USH2A: variants seen among roughly 807,000 people sequenced by gnomAD.
USH2A encodes the protein usherin.
In USH2A, 443 loss-of-function variants were observed where a neutral mutation model predicts 538.9. The observed-to-expected ratio is 0.82, with a 90% CI of 0.76 to 0.89. The LOEUF (loss-of-function observed/expected upper bound fraction) is 0.89. Ranked by LOEUF, USH2A falls within the 40% of genes least tolerant of loss-of-function variation. The pLI is 0.00. For missense variants in USH2A, 6,633 were observed against 6,324.8 expected (o/e 1.05, Z -1.65); for synonymous variants, 2,413 against 2,273.5 (o/e 1.06, Z -1.75).
At chr1:215,719,097 G>C (rs1426484998) in intron 61 of USH2A, among the ~76,000 whole-genome samples, 1 of 152,174 alleles carries the variant, frequency 6.6e-6, no homozygotes, top group Non-Finnish European at 1.5e-5. Flanking sequence ...GAAGTAGGTA[G>C]ATGCCAATTT....
intron 40 of USH2A, among the ~76,000 whole-genome samples, chr1:215,894,581 T>C (rs1341124562): frequency 2.0e-5 from 3 of 152,128 alleles, no homozygotes; most frequent in Non-Finnish European, 2.9e-5. Flanking sequence ...TCCCTCCCCT[T>C]CATTCCGAAT....
chr1:216,392,297 G>A (rs559584483), intron 3 of USH2A, among the ~76,000 whole-genome samples: 23 of 151,924 alleles, frequency 1.5e-4, no homozygotes, highest in Non-Finnish European at 2.5e-4. Context: ...AGGAAATCCC[G>A]ACCATCCTGA....
At chr1:216,294,880 T>G (rs2102614634) in intron 9 of USH2A, among the ~76,000 whole-genome samples, 1 of 152,040 alleles carries the variant, frequency 6.6e-6, no homozygotes, top group Admixed American at 6.5e-5. Context: ...CATTTTTCTT[T>G]AGTATACTCT....
intron 60 of USH2A, among the ~76,000 whole-genome samples, chr1:215,738,697 C>T (rs887750994): frequency 6.6e-6 from 1 of 152,014 alleles, no homozygotes; most frequent in Admixed American, 6.6e-5. Flanking sequence ...CAAACAATTT[C>T]AAATGAGATT....
intron 47 of USH2A, among the ~76,000 whole-genome samples, chr1:215,819,500 G>A (rs1160334469): frequency 6.6e-6 from 1 of 151,786 alleles, no homozygotes; most frequent in Non-Finnish European, 1.5e-5. Context: ...TGTCACCTAT[G>A]AGAGAACAGT....
At chr1:216,335,940 C>G (rs2037965112) in intron 4 of USH2A, among the ~76,000 whole-genome samples, 1 of 151,364 alleles carries the variant, frequency 6.6e-6, no homozygotes, top group African/African-American at 2.4e-5. Flanking sequence ...CCAGTATTAC[C>G]CTAATACCAA....
chr1:215,673,061 CT>C (rs1372490064), intron 63 of USH2A, among the ~76,000 whole-genome samples: 1 of 152,238 alleles, frequency 6.6e-6, no homozygotes, highest in East Asian at 1.9e-4. Context: ...TACAGTGGAC[CT>C]TTTTAATGCC....
At position 215,817,121 on chromosome 1, in the gene USH2A, G is replaced by GT; in HGVS notation, c.9445dup (p.Thr3149AsnfsTer7). 1 of 1,612,818 alleles carries GT rather than the reference G, an allele frequency of 6.2e-7. No homozygotes were observed. On this transcript the variant is annotated frameshift_variant, in exon 48 of 72. Coordinates refer to ENST00000307340, the MANE Select transcript of USH2A (RefSeq NM_206933.4). LOFTEE classifies it high-confidence loss of function. The stretch of plus-strand genomic sequence containing the variant: ...TTGAGTTTTAGCGCATGGATACCAT[G>GT]TTTTCCATAGGAGATCATATCCAAG...
chr1:215,812,261 C>G (rs1464626946), intron 49 of USH2A, among the ~76,000 whole-genome samples: 1 of 152,072 alleles, frequency 6.6e-6, no homozygotes, highest in Admixed American at 6.6e-5. Flanking sequence ...GCTGGGATTA[C>G]AGGCATGAGC....
chr1:216,145,691 AAAG>A (rs1363753095), intron 21 of USH2A, among the ~76,000 whole-genome samples: 1 of 152,172 alleles, frequency 6.6e-6, no homozygotes. Context: ...AAGAATCACA[AAAG>A]AAGTGAATAT....
At chr1:215,901,636 A>AGATTTG (rs1041140260) in intron 38 of USH2A, among the ~76,000 whole-genome samples, 2 of 152,176 alleles carry the variant, frequency 1.3e-5, no homozygotes, top group African/African-American at 4.8e-5. Flanking sequence ...TGACTTCAAC[A>AGATTTG]TACCTGCTTG....
At chr1:215,799,607 T>C (rs1662259649) in intron 49 of USH2A, among the ~76,000 whole-genome samples, 1 of 152,286 alleles carries the variant, frequency 6.6e-6, no homozygotes, top group Middle Eastern at 3.4e-3. Context: ...TTTAAGTCAG[T>C]GTGCTAGTAC....
chr1:215,851,015 T>A (rs1664002442), intron 44 of USH2A, among the ~76,000 whole-genome samples: 1 of 152,124 alleles, frequency 6.6e-6, no homozygotes, highest in Non-Finnish European at 1.5e-5. Context: ...TGATACAACC[T>A]ATCAAAACTT....
intron 11 of USH2A, among the ~76,000 whole-genome samples, chr1:216,279,085 T>A (rs186676595): frequency 5.9e-5 from 9 of 152,326 alleles, no homozygotes; most frequent in Admixed American, 3.9e-4. Context: ...AATCTATTTT[T>A]AAATATCTCT....
At chr1:216,095,073 G>C (rs2032407303) in intron 22 of USH2A, among the ~76,000 whole-genome samples, 1 of 152,026 alleles carries the variant, frequency 6.6e-6, no homozygotes, top group Admixed American at 6.6e-5. Context: ...AGAAGTATTA[G>C]TTTTGCTTAA....
Position 215,675,219 on chromosome 1 carries a change from T to G in USH2A, c.12692A>C (p.Gln4231Pro). The G allele has an allele frequency of 1.9e-6, 3 of 1,613,924 alleles. No individual in the cohort carries two copies. Among genetic ancestry groups the G allele is most frequent in the Non-Finnish European group, 2.5e-6 (3 of 1,179,942 alleles). Reference sequence around the variant, plus strand: ...TTTATATTCACACTGCGTCCATGGTTGCAAACCTGTGTCATTATACATAAA... The same window carrying G: ...TTTATATTCACACTGCGTCCATGGTGGCAAACCTGTGTCATTATACATAAA... ...NTFMYNDTGL[Q>P]PWTQCEYKIY... Residue 4231 changes from glutamine (Q) to proline (P), a missense_variant, in exon 63 of 72, where the codon CAA becomes CCA. Physicochemically the swap from Gln to Pro is moderately conservative, Grantham distance 76. Transcript: ENST00000307340.
At chr1:216,081,828 A>G (rs2031953840) in intron 26 of USH2A, among the ~76,000 whole-genome samples, 1 of 152,074 alleles carries the variant, frequency 6.6e-6, no homozygotes, top group African/African-American at 2.4e-5. Flanking sequence ...ACTGGCCTCA[A>G]GCTACCCTCC....
At chr1:215,793,887 C>T (rs1662048599) in intron 50 of USH2A, among the ~76,000 whole-genome samples, 1 of 152,286 alleles carries the variant, frequency 6.6e-6, no homozygotes, top group East Asian at 1.9e-4. Flanking sequence ...AAAATCTGTC[C>T]TCTTTGAATG....
chr1:215,674,332 T>C lies in USH2A; in HGVS notation c.13579A>G (p.Thr4527Ala), dbSNP rs1571948135. ...GILSPLVKDRTSPSAPSGMEP... is the reference protein window; with the variant it reads ...GILSPLVKDRASPSAPSGMEP... ...ATCCCTGAGGGTGCTGAGGGGCTGG[T>C]TCGATCTTTGACAAGAGGACTCAAA... Residue 4527 changes from threonine (T) to alanine (A), a missense_variant, in exon 63 of 72, where the codon ACC becomes GCC. Thr to Ala is a moderately conservative substitution (Grantham distance 58, BLOSUM62 0). Coordinates refer to ENST00000307340, the MANE Select transcript of USH2A (RefSeq NM_206933.4). 4 of 1,613,888 alleles carry C rather than the reference T, an allele frequency of 2.5e-6. No individual in the cohort carries two copies. Among genetic ancestry groups the C allele is most frequent in the Non-Finnish European group, 3.4e-6 (4 of 1,179,892 alleles).
Sources: gnomAD v4.1 joint callset for allele counts (sites outside exome capture counted in the v4.1 genomes callset) on GRCh38, gnomAD v4.1.1 for gene constraint, MANE v1.5 for transcripts, NCBI Gene and HGNC (gene_info 2026-07-23, HGNC 2026-07-21) for gene names.